GRM7: variants seen among roughly 807,000 people sequenced by gnomAD.
GRM7 encodes the protein glutamate metabotropic receptor 7.
In GRM7, 35 loss-of-function variants were observed where a neutral mutation model predicts 84.5. The ratio of observed to expected loss-of-function variants is 0.41; its 90% CI spans 0.32 to 0.55. The LOEUF is 0.55. Ranked by LOEUF, GRM7 falls within the 20% of genes least tolerant of loss-of-function variation. The pLI is 0.19. For missense variants in GRM7, 1,003 were observed against 1,194.6 expected (o/e 0.84, Z 2.36); for synonymous variants, 487 against 455.1 (o/e 1.07, Z -0.89).
intron 8 of GRM7, among the ~76,000 whole-genome samples, chr3:7,663,896 G>C (rs1316074023): frequency 6.6e-6 from 1 of 152,156 alleles, no homozygotes; most frequent in African/African-American, 2.4e-5. Flanking sequence ...CCTGAGTCCA[G>C]TGGTTTCATC....
At chr3:7,193,985 C>G (rs1286911590) in intron 2 of GRM7, among the ~76,000 whole-genome samples, 1 of 152,108 alleles carries the variant, frequency 6.6e-6, no homozygotes, top group African/African-American at 2.4e-5. Context: ...TCTAAAAGTA[C>G]TGACTACAGT....
In GRM7 at chr3:7,578,679, T is replaced by C. The variant is rs757931811; in HGVS notation, c.1773T>C (p.Ala591=). The C allele has an allele frequency of 2.5e-6, 4 of 1,613,962 alleles. No individual in the cohort carries two copies. The highest frequency in any genetic ancestry group is 3.4e-6 in the Non-Finnish European group (4 of 1,179,968). The change falls in exon 8 of 10, where the codon GCT becomes GCC. Residue 591 remains alanine, a synonymous_variant. Transcript: ENST00000357716. ...AACTGGAGTGGCACTCCCCCTGGGC[T>C]GTGATTCCTGTCTTCCTGGCAATGT... ...IIKLEWHSPW[A]VIPVFLAMLG... is the part of the protein sequence containing the mutation.
intron 8 of GRM7, chr3:7,591,505 T>C (rs900052447): frequency 2.3e-6 from 1 of 441,756 alleles, no homozygotes; most frequent in Non-Finnish European, 4.5e-6. Context: ...TGAATAACTT[T>C]TCACCCAGTA....
chr3:7,101,675 A>C (rs924146425), intron 1 of GRM7, among the ~76,000 whole-genome samples: 2 of 150,644 alleles, frequency 1.3e-5, no homozygotes, highest in Non-Finnish European at 3.0e-5. Context: ...ATATTTATTC[A>C]ACTGTTTTCA....
At chr3:6,918,377 A>G (rs1213197015) in intron 1 of GRM7, among the ~76,000 whole-genome samples, 1 of 152,142 alleles carries the variant, frequency 6.6e-6, no homozygotes, top group Non-Finnish European at 1.5e-5. Flanking sequence ...CGTGTTACTT[A>G]AGAGTCTGGT....
intron 1 of GRM7, among the ~76,000 whole-genome samples, chr3:6,971,361 C>T (rs1297079074): frequency 6.6e-6 from 1 of 152,016 alleles, no homozygotes; most frequent in East Asian, 1.9e-4. Flanking sequence ...AAGTACAGTC[C>T]GAAGAACTTT....
intron 7 of GRM7, among the ~76,000 whole-genome samples, chr3:7,516,369 T>TG (rs1700383874): frequency 7.4e-6 from 1 of 135,066 alleles, no homozygotes; most frequent in Non-Finnish European, 1.5e-5. Context: ...CCCAGCTACT[T>TG]GGGGGGCTGA....
rs556275725 is a variant in GRM7 at position 7,188,706 on chromosome 3, C to T, written c.736+42038C>T. On this transcript the variant is annotated intron_variant, in intron 2 of 9. Transcript: ENST00000357716. This position sits in a 1 kb window ranked among gnomAD's most constrained non-coding sequence, Gnocchi z 4.2. The stretch of plus-strand genomic sequence containing the variant: ...TAGCAGAGGAGTTTATTTCTCATTC[C>T]TGTACTATTCAAGGCATCTGTTTTC... Among the ~76,000 whole-genome samples, 1 of 152,184 alleles carries T rather than the reference C, an allele frequency of 6.6e-6. No individual in the cohort carries two copies. The highest frequency in any genetic ancestry group is 1.5e-5 in the Non-Finnish European group (1 of 68,006).
intron 1 of GRM7, among the ~76,000 whole-genome samples, chr3:7,092,055 C>A (rs1041411157): frequency 5.9e-5 from 9 of 152,138 alleles, no homozygotes; most frequent in African/African-American, 2.2e-4. Context: ...GTCACCCAGG[C>A]TGGAGTGAAG....
intron 1 of GRM7, among the ~76,000 whole-genome samples, chr3:7,128,570 C>T (rs1378389961): frequency 1.7e-5 from 2 of 114,294 alleles, no homozygotes; most frequent in Admixed American, 1.6e-4. Context: ...TGCAGTGGCG[C>T]GATCTGTGTT....
intron 4 of GRM7, among the ~76,000 whole-genome samples, chr3:7,376,419 C>T (rs992891766): frequency 2.6e-5 from 4 of 152,166 alleles, no homozygotes; most frequent in African/African-American, 9.7e-5. Context: ...CTTTGAGTTC[C>T]TTAAGGAAAA....
At chr3:7,039,571 T>C (rs1411674391) in intron 1 of GRM7, among the ~76,000 whole-genome samples, 1 of 152,184 alleles carries the variant, frequency 6.6e-6, no homozygotes, top group African/African-American at 2.4e-5. Flanking sequence ...ATCAAATGCA[T>C]GTTACATGTA....
chr3:7,157,804 G>T (rs1178004657), intron 2 of GRM7, among the ~76,000 whole-genome samples: 1 of 151,650 alleles, frequency 6.6e-6, no homozygotes, highest in South Asian at 2.1e-4. Flanking sequence ...TTGAAATGTA[G>T]AAGCGGCAGA....
At chr3:7,343,290 G>T in intron 4 of GRM7, among the ~76,000 whole-genome samples, 1 of 152,024 alleles carries the variant, frequency 6.6e-6, no homozygotes, top group Non-Finnish European at 1.5e-5. Context: ...CTGGAGTGCG[G>T]TAGCATGGTC....
At chr3:7,093,872 A>C (rs549124674) in intron 1 of GRM7, among the ~76,000 whole-genome samples, 5 of 152,156 alleles carry the variant, frequency 3.3e-5, no homozygotes, top group Admixed American at 2.6e-4. Context: ...CACTTAAAGT[A>C]GTATGTTTCG....
chr3:7,703,016 T>C (rs1701277956), intron 9 of GRM7, among the ~76,000 whole-genome samples: 1 of 152,148 alleles, frequency 6.6e-6, no homozygotes, highest in African/African-American at 2.4e-5. Flanking sequence ...TCTGAATCAC[T>C]TGGACACCTT....
intron 8 of GRM7, among the ~76,000 whole-genome samples, chr3:7,582,925 T>G (rs978068997): frequency 1.3e-5 from 2 of 152,168 alleles, no homozygotes; most frequent in African/African-American, 4.8e-5. Flanking sequence ...AAAATGCCAG[T>G]GGACACGATG....
intron 1 of GRM7, among the ~76,000 whole-genome samples, chr3:7,122,780 T>C (rs1693268112): frequency 6.6e-6 from 1 of 152,222 alleles, no homozygotes; most frequent in Non-Finnish European, 1.5e-5. Flanking sequence ...TTGGGGTAGA[T>C]ACCTCCCATC....
At chr3:7,125,730 A>T (rs1369230045) in intron 1 of GRM7, among the ~76,000 whole-genome samples, 1 of 152,230 alleles carries the variant, frequency 6.6e-6, no homozygotes, top group Non-Finnish European at 1.5e-5. Context: ...ACTGTTTCAC[A>T]TCACTCTATA....
Sources: gnomAD v4.1 joint callset for allele counts (sites outside exome capture counted in the v4.1 genomes callset) on GRCh38, gnomAD v4.1.1 for gene constraint, Gnocchi (gnomAD v3.1) non-coding constraint, MANE v1.5 for transcripts, NCBI Gene and HGNC (gene_info 2026-07-23, HGNC 2026-07-21) for gene names.